The following UBE4B variants were observed in gnomAD, a reference collection of about 807,000 sequenced individuals.
The protein encoded by UBE4B is ubiquitination factor E4B, also known as ubiquitin conjugation factor E4 B.
Under a neutral mutation model 148.1 loss-of-function variants are expected in UBE4B, and 27 were observed. The observed-to-expected ratio is 0.18, with a 90% CI of 0.13 to 0.25. UBE4B has a LOEUF of 0.25. Among genes scored for constraint, UBE4B ranks in the 10% least tolerant of loss-of-function variants. The probability of loss-of-function intolerance (pLI) is 1.00; values close to 1 mark genes in which losing one functional copy is unlikely to be tolerated. For missense variants in UBE4B, 1,170 were observed against 1,662.4 expected (o/e 0.70, Z 5.15); for synonymous variants, 596 against 619.3 (o/e 0.96, Z 0.56).
intron 1 of UBE4B, among the ~76,000 whole-genome samples, chr1:10,062,649 C>A (rs1244278232): frequency 6.6e-6 from 1 of 152,128 alleles, no homozygotes; most frequent in East Asian, 1.9e-4. Flanking sequence ...TAAATCTTTC[C>A]TAGAACAAGA....
At chr1:10,126,582 C>T (rs564032600) in intron 10 of UBE4B, among the ~76,000 whole-genome samples, 1 of 152,120 alleles carries the variant, frequency 6.6e-6, no homozygotes, top group Non-Finnish European at 1.5e-5. Context: ...ACTCCTCTTA[C>T]TTCTGGAGAA....
intron 2 of UBE4B, among the ~76,000 whole-genome samples, chr1:10,075,379 C>A (rs1036687266): frequency 6.6e-6 from 1 of 152,196 alleles, no homozygotes; most frequent in Non-Finnish European, 1.5e-5. Context: ...GTCCAAGGCA[C>A]CAGCATCTCT....
intron 22 of UBE4B, among the ~76,000 whole-genome samples, chr1:10,159,695 A>G (rs1646130318): frequency 6.6e-6 from 1 of 152,224 alleles, no homozygotes; most frequent in South Asian, 2.1e-4. Context: ...AAATAAATAA[A>G]TAAATAAATA....
chr1:10,054,582 T>C, intron 1 of UBE4B: 1 of 285,600 alleles, frequency 3.5e-6, no homozygotes, highest in Non-Finnish European at 6.8e-6. Flanking sequence ...TAGGAAATGA[T>C]GCTGGCCTTT....
chr1:10,118,662 G>A (rs1002000893), intron 8 of UBE4B, among the ~76,000 whole-genome samples: 1 of 151,594 alleles, frequency 6.6e-6, no homozygotes. Flanking sequence ...GAGCCACCAT[G>A]CCCGGCTAAT....
chr1:10,174,874 A>G (rs186722221), intron 25 of UBE4B, among the ~76,000 whole-genome samples: 1 of 152,114 alleles, frequency 6.6e-6, no homozygotes, highest in Non-Finnish European at 1.5e-5. Context: ...AGAAGGATGG[A>G]TGGTTGGCAA....
chr1:10,130,429 A>G (rs1183287347), intron 12 of UBE4B, 71 bp from the exon 13 acceptor site: 32 of 1,215,860 alleles, frequency 2.6e-5, no homozygotes, highest in Non-Finnish European at 3.4e-5. Flanking sequence ...GAGGAGCTGG[A>G]GAGTTTTCAT....
chr1:10,159,316 C>G (rs968445577), intron 22 of UBE4B, among the ~76,000 whole-genome samples: 2 of 152,156 alleles, frequency 1.3e-5, no homozygotes, highest in African/African-American at 4.8e-5. Context: ...AATTATCTGT[C>G]AGTGCCTAAA....
At chr1:10,098,326 G>A (rs1644960867) in intron 3 of UBE4B, among the ~76,000 whole-genome samples, 1 of 152,120 alleles carries the variant, frequency 6.6e-6, no homozygotes, top group African/African-American at 2.4e-5. Context: ...GTTGGTAGCT[G>A]CAAGAGTTTG....
chr1:10,169,698 C>CT (rs1264944109), intron 24 of UBE4B, among the ~76,000 whole-genome samples: 3 of 152,198 alleles, frequency 2.0e-5, no homozygotes, highest in East Asian at 3.9e-4. Context: ...GTTGGGAAGA[C>CT]TAAGCGAAAA....
Position 10,135,201 on chromosome 1 carries a change from C to G in UBE4B, c.2224+15C>G. 6 of 1,606,950 alleles carry G rather than the reference C, an allele frequency of 3.7e-6. No homozygotes were observed. The highest frequency in any genetic ancestry group is 5.1e-6 in the Non-Finnish European group (6 of 1,176,094). The stretch of plus-strand genomic sequence containing the variant: ...GACTGAACTCTGTGAGTACTGTGTT[C>G]GTGACTCGGTCATTAAAACACTGCC... On this transcript the variant is annotated intron_variant, in intron 16 of 27. Coordinates refer to ENST00000343090, the MANE Select transcript of UBE4B (RefSeq NM_001105562.3).
At chr1:10,044,090 G>A (rs1464437901) in intron 1 of UBE4B, among the ~76,000 whole-genome samples, 1 of 151,856 alleles carries the variant, frequency 6.6e-6, no homozygotes, top group East Asian at 1.9e-4. Context: ...TCACGCTGGA[G>A]TGCAGTGGCA....
chr1:10,047,226 T>C (rs1399392444), intron 1 of UBE4B, among the ~76,000 whole-genome samples: 1 of 152,206 alleles, frequency 6.6e-6, no homozygotes, highest in Admixed American at 6.6e-5. Context: ...TCGGAAATAA[T>C]AATGGCTTGA....
Position 10,175,465 on chromosome 1 carries a change from C to A in UBE4B, c.3526-3179C>A, listed in dbSNP as rs1459277172. 1.1e-4 allele frequency among the ~76,000 whole-genome samples: 17 copies of A among 150,526 alleles called. 1 individual carries two copies. In the South Asian group the frequency reaches 1.5e-3, roughly 13 times the overall value. ...AGGAGATCGAGACCGTCCTGGCTAA[C>A]ACGGTGAAACCCCATCTCTACTAAA... On this transcript the variant is annotated intron_variant, in intron 25 of 27. Transcript: ENST00000343090.
intron 2 of UBE4B, among the ~76,000 whole-genome samples, chr1:10,091,901 C>T (rs983551858): frequency 5.3e-5 from 8 of 151,934 alleles, no homozygotes; most frequent in South Asian, 2.1e-4. Flanking sequence ...CCACTGCGCC[C>T]GGACTACCTG....
In UBE4B at chr1:10,151,357, A is replaced by T; in HGVS notation, c.2722A>T (p.Thr908Ser). ...YSPQALYEPC[T>S]QDIVMFLVVM... ...TCCCCAGGCGCTTTATGAGCCCTGT[A>T]CTCAGGATATTGTGATGTTCCTTGT... is the stretch of plus-strand genomic sequence containing the variant. Residue 908 changes from threonine (T) to serine (S), a missense_variant, in exon 21 of 28, where the codon ACT becomes TCT. Physicochemically the swap from Thr to Ser is moderately conservative, Grantham distance 58. This residue lies in a region of UBE4B where 348 missense variants were observed against 627.2 expected (regional missense o/e 0.55). Transcript: ENST00000343090. 1 of 1,614,014 alleles carries T rather than the reference A, an allele frequency of 6.2e-7. No individual in the cohort carries two copies. The highest frequency in any genetic ancestry group is 1.1e-5 in the South Asian group (1 of 91,076).
At chr1:10,047,564 C>G (rs1378111097) in intron 1 of UBE4B, among the ~76,000 whole-genome samples, 1 of 146,454 alleles carries the variant, frequency 6.8e-6, no homozygotes, top group Non-Finnish European at 1.5e-5. Context: ...GTGATCTCGG[C>G]TCACCGCAAG....
intron 2 of UBE4B, among the ~76,000 whole-genome samples, chr1:10,076,495 C>T (rs1005724649): frequency 1.3e-5 from 2 of 151,818 alleles, no homozygotes; most frequent in African/African-American, 2.4e-5. Flanking sequence ...CCACCTGCCT[C>T]GGCCTCCCAA....
chr1:10,083,841 A>G (rs1314684051), intron 2 of UBE4B, among the ~76,000 whole-genome samples: 1 of 152,096 alleles, frequency 6.6e-6, no homozygotes, highest in East Asian at 1.9e-4. Flanking sequence ...CCAAAGGGGT[A>G]TGTTTTATTA....
Sources: allele counts gnomAD v4.1 joint callset (sites outside exome capture counted in the v4.1 genomes callset), GRCh38; gene constraint gnomAD v4.1.1; regional missense constraint gnomAD v4.1.1; transcripts MANE v1.5; gene names NCBI Gene and HGNC (gene_info 2026-07-23, HGNC 2026-07-21).